The following AJAP1 variants were observed in gnomAD, a reference collection of about 807,000 sequenced individuals.
AJAP1 encodes adherens junction-associated protein 1.
AJAP1 carries 5 observed loss-of-function variants against 35.0 expected under a neutral mutation model. The ratio of observed to expected loss-of-function variants is 0.14; its 90% CI spans 0.07 to 0.30. AJAP1 has a LOEUF of 0.30. Among genes scored for constraint, AJAP1 ranks in the 10% least tolerant of loss-of-function variants. The pLI is 1.00. For synonymous variants in AJAP1, 284 were observed against 249.3 expected (o/e 1.14, Z -1.31); for missense variants, 586 against 571.0 (o/e 1.03, Z -0.27).
At chr1:4,675,351 C>T (rs1049853871) in intron 1 of AJAP1, among the ~76,000 whole-genome samples, 6 of 152,202 alleles carry the variant, frequency 3.9e-5, no homozygotes, top group Non-Finnish European at 8.8e-5. Context: ...GGGCAGAGGC[C>T]AGAAGGGATC....
In AJAP1 at chr1:4,785,863, G is replaced by T. The variant is rs114689540; in HGVS notation, c.*3378G>T. ...TTCCATCTTATTCCTCGGAGATCCC[G>T]CAATTGCAAACCCCCTGGCAGCCTC... On this transcript the variant is annotated 3_prime_UTR_variant, in exon 6 of 6. Transcript: ENST00000378191. The T allele has an allele frequency of 0.015, 2,293 of 152,214 alleles. 51 individuals are homozygous for T. The highest frequency in any genetic ancestry group is 0.044 in the African/African-American group (1,814 of 41,504). 9.4% of individuals were successfully genotyped at this position (152,214 alleles called of 1,614,324 possible).
rs772763050 is a variant in AJAP1, at chr1:4,711,949, A to T, written c.79A>T (p.Ile27Leu). The change falls in exon 2 of 6, where the codon ATA becomes TTA. Residue 27 changes from isoleucine (I) to leucine (L), a missense_variant. Transcript: ENST00000378191. ...PGRPLGSHAW[I>L]LIAMFQLAVD... ...CCGCCCCCTCGGAAGCCATGCCTGG[A>T]TACTGATAGCCATGTTTCAGCTCGC... 3 of 1,567,422 alleles carry T rather than the reference A, an allele frequency of 1.9e-6. No individual in the cohort carries two copies. The highest frequency in any genetic ancestry group is 2.6e-6 in the Non-Finnish European group (3 of 1,163,046).
intron 1 of AJAP1, among the ~76,000 whole-genome samples, chr1:4,657,521 G>A (rs1319995108): frequency 1.3e-5 from 2 of 152,182 alleles, no homozygotes; most frequent in African/African-American, 2.4e-5. Flanking sequence ...GTCTGGAAAT[G>A]CACTTTTTCT....
At chr1:4,725,006 G>T (rs1640615593) in intron 2 of AJAP1, among the ~76,000 whole-genome samples, 1 of 152,186 alleles carries the variant, frequency 6.6e-6, no homozygotes, top group African/African-American at 2.4e-5. Context: ...GCCTGCCCCA[G>T]CGCACACTGT....
At chr1:4,682,578 A>T (rs1456698515) in intron 1 of AJAP1, among the ~76,000 whole-genome samples, 1 of 152,152 alleles carries the variant, frequency 6.6e-6, no homozygotes, top group African/African-American at 2.4e-5. Context: ...TCTACCCAAG[A>T]CTGCATGGTG....
At chr1:4,736,895 G>T (rs1640938852) in intron 2 of AJAP1, among the ~76,000 whole-genome samples, 2 of 152,086 alleles carry the variant, frequency 1.3e-5, no homozygotes, top group South Asian at 4.2e-4. Flanking sequence ...CTCAGACATG[G>T]GTCTCCAGGG....
At chr1:4,714,427 C>A (rs1030118988) in intron 2 of AJAP1, among the ~76,000 whole-genome samples, 13 of 152,232 alleles carry the variant, frequency 8.5e-5, no homozygotes, top group African/African-American at 3.1e-4. Context: ...TCTTGCTACT[C>A]TCCCTTACTG....
In AJAP1 at chr1:4,706,946, G is replaced by C. The variant is rs560194125; in HGVS notation, c.30-4954G>C. Among the ~76,000 whole-genome samples, 3 of 152,280 alleles carry C rather than the reference G, an allele frequency of 2.0e-5. No individual in the cohort carries two copies. In the South Asian group the frequency reaches 6.2e-4, roughly 32 times the overall value. On this transcript the variant is annotated intron_variant, in intron 1 of 5. Transcript: ENST00000378191. ...ATTTGGAAGCAGCTGGGGAGCAGGG[G>C]GTGGTGGCAAGGAGTTTATTCTTTC... is the stretch of plus-strand genomic sequence containing the variant.
rs151238030 is a variant in AJAP1, at chr1:4,783,909, C to G, written c.*1424C>G. ...CCACAAGGCTGCCCCAGTCAGGCAG[C>G]GCCCTGACCTGGCCTGTGCTGCATT... On this transcript the variant is annotated 3_prime_UTR_variant, in exon 6 of 6. Transcript: ENST00000378191. 1 of 152,162 alleles carries G rather than the reference C, an allele frequency of 6.6e-6. No homozygotes were observed. Among genetic ancestry groups the G allele is most frequent in the Admixed American group, 6.5e-5 (1 of 15,274 alleles). 9.4% of individuals were successfully genotyped at this position (152,162 alleles called of 1,614,324 possible).
intron 2 of AJAP1, among the ~76,000 whole-genome samples, chr1:4,733,376 C>T (rs769929483): frequency 1.3e-5 from 2 of 151,568 alleles, no homozygotes; most frequent in Admixed American, 6.6e-5. Flanking sequence ...CACAGGACAG[C>T]GAGAAGCTGC....
At chr1:4,714,428 T>A (rs954150454) in intron 2 of AJAP1, among the ~76,000 whole-genome samples, 1 of 152,204 alleles carries the variant, frequency 6.6e-6, no homozygotes, top group South Asian at 2.1e-4. Flanking sequence ...CTTGCTACTC[T>A]CCCTTACTGT....
At chr1:4,751,208 C>T (rs907206874) in intron 2 of AJAP1, among the ~76,000 whole-genome samples, 1 of 152,128 alleles carries the variant, frequency 6.6e-6, no homozygotes, top group African/African-American at 2.4e-5. Context: ...ATGTCTGGAC[C>T]CGGCAGAGCC....
At chr1:4,756,314 G>A (rs538874128) in intron 2 of AJAP1, among the ~76,000 whole-genome samples, 9 of 152,300 alleles carry the variant, frequency 5.9e-5, no homozygotes, top group South Asian at 2.1e-4. Context: ...GACTATGTCC[G>A]CACCGTGGCA....
chr1:4,658,850 C>G (rs1223708878), intron 1 of AJAP1, among the ~76,000 whole-genome samples: 2 of 152,210 alleles, frequency 1.3e-5, no homozygotes, highest in African/African-American at 4.8e-5. Flanking sequence ...CCGGGGACAG[C>G]TGTCTCTGGG....
chr1:4,759,041 A>T (rs1057080287), intron 2 of AJAP1, among the ~76,000 whole-genome samples: 5 of 152,210 alleles, frequency 3.3e-5, no homozygotes, highest in African/African-American at 1.2e-4. Flanking sequence ...GGTCACGTTC[A>T]TTATATTGGT....
chr1:4,658,456 C>T (rs1449186511), intron 1 of AJAP1, among the ~76,000 whole-genome samples: 2 of 152,214 alleles, frequency 1.3e-5, no homozygotes, highest in Non-Finnish European at 2.9e-5. Flanking sequence ...CCAGCTTTAG[C>T]GGATGAAGTC....
At position 4,727,466 on chromosome 1, in the gene AJAP1, G is replaced by A. The variant is rs567153134; in HGVS notation, c.829+14767G>A. Among the ~76,000 whole-genome samples, 6 of 152,306 alleles carry A rather than the reference G, an allele frequency of 3.9e-5. No homozygotes were observed. The East Asian group carries it at 5.8e-4, about 15-fold the overall frequency. On this transcript the variant is annotated intron_variant, in intron 2 of 5. Coordinates refer to ENST00000378191, the MANE Select transcript of AJAP1 (RefSeq NM_018836.4). ...ACCAGGGCCTCTCCAGTTATGCTGC[G>A]CTGACCCCGTCTGTGTCTGTAGCAC...
chr1:4,712,344 C>A lies in AJAP1; in HGVS notation c.474C>A (p.His158Gln), dbSNP rs1238367819. The change falls in exon 2 of 6, where the codon CAC becomes CAA. Residue 158 changes from histidine (H) to glutamine (Q), a missense_variant. Coordinates refer to ENST00000378191, the MANE Select transcript of AJAP1 (RefSeq NM_018836.4). ...CCCTCCTGAGGAGGGGCAAGAGGCA[C>A]CTGCAGGGGGACGGTCTCAGCAGCT... ...QQALLRRGKR[H>Q]LQGDGLSSFD... 2.0e-6 allele frequency: 3 copies of A among 1,500,976 alleles called. No individual in the cohort carries two copies. The African/African-American group carries it at 4.2e-5, about 21-fold the overall frequency. The allele number at this position is 1,500,976 out of a possible 1,614,324, so 93.0% of individuals were successfully genotyped here.
rs1375813818 is a variant in AJAP1, at chr1:4,791,891, T to A, written c.*9406T>A. 1 of 151,484 alleles carries A rather than the reference T, an allele frequency of 6.6e-6. No homozygotes were observed. 9.4% of individuals were successfully genotyped at this position (151,484 alleles called of 1,614,324 possible). ...TAAAGATGGAGCCCATTGTCCCCCC[T>A]CCTCCTCAGCTCACCCATGGAACTA... On this transcript the variant is annotated 3_prime_UTR_variant, in exon 6 of 6. Coordinates refer to ENST00000378191, the MANE Select transcript of AJAP1 (RefSeq NM_018836.4).
Sources: gnomAD v4.1 joint callset for allele counts (sites outside exome capture counted in the v4.1 genomes callset) on GRCh38, gnomAD v4.1.1 for gene constraint, MANE v1.5 for transcripts, NCBI Gene and HGNC (gene_info 2026-07-23, HGNC 2026-07-21) for gene names.